Variants in WHRN observed in about 807,000 individuals in gnomAD.
WHRN encodes the protein whirlin, also known as CASK-interacting protein CIP98.
WHRN carries 41 observed loss-of-function variants against 68.3 expected under a neutral mutation model. The observed-to-expected ratio is 0.60, with a 90% CI of 0.47 to 0.78. WHRN has a LOEUF of 0.78. WHRN is among the 30% of genes least tolerant of loss of function. WHRN has a pLI of 0.00. For missense variants in WHRN, 1,243 were observed against 1,244.7 expected, an observed-to-expected ratio of 1.00 and a Z score of 0.02; for synonymous variants, 560 against 561.3, an observed-to-expected ratio of 1.00 and a Z score of 0.03.
At chr9:114,404,837 T>C (rs1389074915) in intron 9 of WHRN, among the ~76,000 whole-genome samples, 1 of 152,132 alleles carries the variant, frequency 6.6e-6, no homozygotes, top group African/African-American at 2.4e-5. Flanking sequence ...GTCCAGGGAA[T>C]AGACTTGTGC....
In WHRN at chr9:114,406,547, G is replaced by A. The variant is rs753228548; in HGVS notation, c.2044C>T (p.Arg682Trp). 24 of 1,612,948 alleles carry A rather than the reference G, an allele frequency of 1.5e-5. No individual in the cohort carries two copies. The East Asian group carries it at 3.1e-4, about 21-fold the overall frequency. ...TTCAGGTGCGGGGGTGACTGGACCC[G>A]TGGGAAGGGGCCGATGGGGTGTTGG... ...VNQHPIGPFP[R>W]VQSPPHLKSP... Residue 682 changes from arginine (R) to tryptophan (W), a missense_variant, in exon 9 of 12, where the codon CGG becomes TGG. By Grantham distance (101) the Arg-to-Trp change is moderately radical (BLOSUM62 -3). Transcript: ENST00000362057.
rs1564113204 is a variant in WHRN at position 114,403,813 on chromosome 9, G to C, written c.2418+83C>G. 3.9e-6 allele frequency: 6 copies of C among 1,544,788 alleles called. No individual in the cohort carries two copies. In the East Asian group the frequency reaches 1.3e-4, roughly 35 times the overall value. ...TCCCTTTGTGGTCACTTGCCAAGCT[G>C]AGCCCTGGTCCCGGGACCTCCCATT... On this transcript the variant is annotated intron_variant, in intron 10 of 11. Coordinates refer to ENST00000362057, the MANE Select transcript of WHRN (RefSeq NM_015404.4).
chr9:114,406,100 C>G (rs976475443), intron 9 of WHRN, among the ~76,000 whole-genome samples: 1 of 152,232 alleles, frequency 6.6e-6, no homozygotes, highest in Middle Eastern at 3.2e-3. Context: ...CTCGCAGCAA[C>G]CTGGCAGGAC....
intron 2 of WHRN, among the ~76,000 whole-genome samples, chr9:114,468,622 C>T (rs1333535144): frequency 6.6e-6 from 1 of 152,082 alleles, no homozygotes; most frequent in East Asian, 1.9e-4. Context: ...GCCCAGCTGC[C>T]TTAGTCCAGG....
chr9:114,485,200 A>G (rs894013812), intron 1 of WHRN, among the ~76,000 whole-genome samples: 3 of 152,244 alleles, frequency 2.0e-5, no homozygotes, highest in African/African-American at 7.2e-5. Context: ...AACAGGAAGG[A>G]GAACTGGTCT....
At chr9:114,416,817 G>C (rs1835850600) in intron 7 of WHRN, among the ~76,000 whole-genome samples, 1 of 152,176 alleles carries the variant, frequency 6.6e-6, no homozygotes, top group Non-Finnish European at 1.5e-5. Flanking sequence ...TGATCTCACT[G>C]AATCTTCAGA....
chr9:114,435,492 CAA>C (rs1284960103), intron 3 of WHRN, among the ~76,000 whole-genome samples: 3 of 152,170 alleles, frequency 2.0e-5, no homozygotes, highest in East Asian at 3.8e-4. Context: ...AAAGGGAAGA[CAA>C]AGAGGTAAAA....
intron 7 of WHRN, among the ~76,000 whole-genome samples, chr9:114,409,115 C>T (rs1835246292): frequency 6.6e-6 from 1 of 152,244 alleles, no homozygotes; most frequent in South Asian, 2.1e-4. Context: ...TATAGTATAA[C>T]TGATTGCTTC....
intron 7 of WHRN, among the ~76,000 whole-genome samples, chr9:114,412,240 G>A (rs1245973454): frequency 5.3e-5 from 8 of 152,224 alleles, no homozygotes; most frequent in Middle Eastern, 3.2e-3. Context: ...GCAGACAGCC[G>A]GCTAAGAACC....
chr9:114,426,063 C>T (rs1836822891), intron 4 of WHRN, 148 bp downstream of exon 4: 14 of 973,322 alleles, frequency 1.4e-5, no homozygotes, highest in Non-Finnish European at 2.2e-5. Context: ...GGGATGTGCC[C>T]AGGTCATGTC....
chr9:114,402,546 C>T lies in WHRN; in HGVS notation c.*208G>A, dbSNP rs1834754331. 7.5e-6 allele frequency: 5 copies of T among 662,642 alleles called. No homozygotes were observed. The highest frequency in any genetic ancestry group is 5.5e-5 in the East Asian group (2 of 36,506). 41.0% of individuals were successfully genotyped at this position (662,642 alleles called of 1,614,324 possible). ...GGCGCCTACTGTGTACCCAGTACAG[C>T]ACCAGTTCCTGACCTGACCTTCTGT... On this transcript the variant is annotated 3_prime_UTR_variant, in exon 12 of 12. Transcript: ENST00000362057.
chr9:114,486,340 A>G (rs1842470680), intron 1 of WHRN, among the ~76,000 whole-genome samples: 1 of 152,198 alleles, frequency 6.6e-6, no homozygotes, highest in South Asian at 2.1e-4. Flanking sequence ...GTCCTCCAAG[A>G]GCATCCAGCA....
intron 7 of WHRN, among the ~76,000 whole-genome samples, chr9:114,413,314 G>A (rs1038104411): frequency 2.6e-5 from 4 of 152,244 alleles, no homozygotes; most frequent in Non-Finnish European, 4.4e-5. Flanking sequence ...AAAGAAAAGA[G>A]CAGGGCAAGT....
Position 114,402,822 on chromosome 9 carries a change from C to T in WHRN, c.2656G>A (p.Glu886Lys), listed in dbSNP as rs920350403. The T allele has an allele frequency of 6.2e-7, 1 of 1,613,972 alleles. No individual in the cohort carries two copies. The highest frequency in any genetic ancestry group is 1.7e-5 in the Admixed American group (1 of 60,002). The change falls in exon 12 of 12, where the codon GAG (glutamate) becomes AAG (lysine). Residue 886 changes from glutamate (E) to lysine (K), a missense_variant. Glu to Lys is a moderately conservative substitution (Grantham distance 56). Transcript: ENST00000362057. The part of the protein sequence containing the change: ...EHREAARIIA[E>K]AFKTKDRDYI... Reference sequence around the variant, plus strand: ...TCACGGTCCTTAGTCTTGAAGGCCTCGGCGATAATGCGGGCGGCCTCCCGG... The same window carrying T: ...TCACGGTCCTTAGTCTTGAAGGCCTTGGCGATAATGCGGGCGGCCTCCCGG...
chr9:114,480,609 A>C lies in WHRN; in HGVS notation c.619-1838T>G, dbSNP rs924377904. On this transcript the variant is annotated intron_variant, in intron 1 of 11. Coordinates refer to ENST00000362057, the MANE Select transcript of WHRN (RefSeq NM_015404.4). ...TGATCTCAGACTTCTGGACTCCAGA[A>C]CTGTGAGAAATTAAATGTCTATTGC... Among the ~76,000 whole-genome samples, 3 of 152,188 alleles carry C rather than the reference A, an allele frequency of 2.0e-5. No homozygotes were observed. The South Asian group carries it at 6.2e-4, about 32-fold the overall frequency.
At position 114,498,331 on chromosome 9, in the gene WHRN, G is replaced by A. The variant is rs536400041; in HGVS notation, c.618+5853C>T. 2.0e-5 allele frequency among the ~76,000 whole-genome samples: 3 copies of A among 152,316 alleles called. No individual in the cohort carries two copies. In the South Asian group the frequency reaches 6.2e-4, roughly 32 times the overall value. On this transcript the variant is annotated intron_variant, in intron 1 of 11. Coordinates refer to ENST00000362057, the MANE Select transcript of WHRN (RefSeq NM_015404.4). ...GACACTAAAGCCAGGCAAAAGGATA[G>A]AGGAGTGGGCAGGTAGGGGTACTAC... is the stretch of plus-strand genomic sequence containing the variant.
intron 2 of WHRN, among the ~76,000 whole-genome samples, chr9:114,467,638 T>C (rs1589206219): frequency 6.6e-6 from 1 of 151,692 alleles, no homozygotes; most frequent in Non-Finnish European, 1.5e-5. Flanking sequence ...GGGGACAGGG[T>C]GGGGCTCACA....
intron 2 of WHRN, among the ~76,000 whole-genome samples, chr9:114,471,864 C>G (rs1841251761): frequency 6.6e-6 from 1 of 152,220 alleles, no homozygotes; most frequent in African/African-American, 2.4e-5. Flanking sequence ...CTCCTGCTCC[C>G]TTCACCCACT....
At position 114,491,753 on chromosome 9, in the gene WHRN, C is replaced by T. The variant is rs7848108; in HGVS notation, c.618+12431G>A. The T allele has an allele frequency of 9.4e-3, 2,575 of 272,568 alleles. 59 individuals carry two copies. The highest frequency in any genetic ancestry group is 0.049 in the African/African-American group (2,196 of 45,180). The allele number at this position is 272,568 out of a possible 1,614,324, so 16.9% of individuals were successfully genotyped here. On this transcript the variant is annotated intron_variant, in intron 1 of 11. Coordinates refer to ENST00000362057, the MANE Select transcript of WHRN (RefSeq NM_015404.4). ...CAGGAACCCAAGTAGCTTTGTGCTT[C>T]GTGTCCAACCCTCCCGCCCTTTGCC...
Sources: gnomAD v4.1 joint callset for allele counts (sites outside exome capture counted in the v4.1 genomes callset) on GRCh38, gnomAD v4.1.1 for gene constraint, MANE v1.5 for transcripts, NCBI Gene and HGNC (gene_info 2026-07-23, HGNC 2026-07-21) for gene names.